Variants in DNASE1 observed in about 807,000 individuals in gnomAD.
DNASE1 encodes the protein deoxyribonuclease-1.
A neutral mutation model predicts 33.9 loss-of-function variants in DNASE1; 40 were observed. The observed-to-expected ratio is 1.18, with a 90% CI of 0.92 to 1.54. The LOEUF (loss-of-function observed/expected upper bound fraction) is 1.54, where lower values mean the gene tolerates loss of function less well. Ranked by LOEUF, DNASE1 falls within the 40% of genes most tolerant of loss-of-function variation. The pLI is 0.00. For missense variants in DNASE1, 518 were observed against 372.6 expected (o/e 1.39, Z -3.21); for synonymous variants, 216 against 160.0 (o/e 1.35, Z -2.64).
At chr16:3,614,020 C>T (rs556471720) in intron 1 of DNASE1, among the ~76,000 whole-genome samples, 4 of 149,050 alleles carry the variant, frequency 2.7e-5, no homozygotes, top group African/African-American at 1.0e-4. Context: ...TCACGCCATT[C>T]TCCTGCCGCA....
intron 1 of DNASE1, among the ~76,000 whole-genome samples, chr16:3,616,043 C>T (rs1488318709): frequency 6.6e-6 from 1 of 152,204 alleles, no homozygotes; most frequent in Non-Finnish European, 1.5e-5. Flanking sequence ...TGTATAGTCA[C>T]ATTTTCTAGA....
chr16:3,617,305 A>G (rs967169902), intron 1 of DNASE1, among the ~76,000 whole-genome samples: 24 of 144,852 alleles, frequency 1.7e-4, no homozygotes, highest in African/African-American at 6.2e-4. Flanking sequence ...CAGCCTAGTC[A>G]ACAAGAGCGA....
At chr16:3,634,378 G>A (rs1284457780) in intron 1 of DNASE1, among the ~76,000 whole-genome samples, 3 of 151,458 alleles carry the variant, frequency 2.0e-5, no homozygotes, top group South Asian at 2.1e-4. Context: ...ACAGGTGCCC[G>A]CCACCATGCC....
intron 1 of DNASE1, among the ~76,000 whole-genome samples, chr16:3,628,158 C>T (rs1276929937): frequency 6.6e-6 from 1 of 152,024 alleles, no homozygotes; most frequent in Non-Finnish European, 1.5e-5. Flanking sequence ...TCTTTTACCT[C>T]CTTGGTTAAA....
rs756148843 is a variant in DNASE1, at chr16:3,656,130, G to A, written c.265G>A (p.Val89Ile). ...TGCACCAGACACCTATCACTACGTG[G>A]TCAGTGAGCCACTGGGACGGAACAG... ...QDAPDTYHYVVSEPLGRNSYK... is the reference protein window; with the variant it reads ...QDAPDTYHYVISEPLGRNSYK... Residue 89 changes from valine to isoleucine, a missense_variant, in exon 4 of 9, where the codon GTC becomes ATC. Physicochemically the swap from Val to Ile is conservative, Grantham distance 29. Transcript: ENST00000246949. 2.5e-6 allele frequency: 4 copies of A among 1,614,118 alleles called. No individual in the cohort carries two copies. In the South Asian group the frequency reaches 4.4e-5, roughly 18 times the overall value.
At chr16:3,623,730 TAGAG>T (rs551337218) in intron 1 of DNASE1, among the ~76,000 whole-genome samples, 95 of 150,848 alleles carry the variant, frequency 6.3e-4, no homozygotes, top group African/African-American at 1.0e-3. Context: ...GGCCAGGAAT[TAGAG>T]AGAAAGTAGG....
rs751780862 is a variant in DNASE1 at position 3,657,988 on chromosome 16, G to A, written c.*35G>A. 17 of 1,612,840 alleles carry A rather than the reference G, an allele frequency of 1.1e-5. No individual in the cohort carries two copies. In the East Asian group the frequency reaches 2.0e-4, roughly 19 times the overall value. The stretch of plus-strand genomic sequence containing the variant: ...CCCCACACCAGTTGAACTGCAGGAA[G>A]AGAGGACCCATCCTGCCACAGGACC... On this transcript the variant is annotated 3_prime_UTR_variant, in exon 9 of 9. Transcript: ENST00000246949.
chr16:3,623,462 A>G (rs1362371018), intron 1 of DNASE1, among the ~76,000 whole-genome samples: 1 of 152,276 alleles, frequency 6.6e-6, no homozygotes. Flanking sequence ...AAATGCAACA[A>G]GAAGAAAAAT....
At chr16:3,633,595 C>T (rs1000722973) in intron 1 of DNASE1, among the ~76,000 whole-genome samples, 1 of 147,286 alleles carries the variant, frequency 6.8e-6, no homozygotes, top group Non-Finnish European at 1.5e-5. Flanking sequence ...TTGACAAGAG[C>T]GAGACTCCAT....
intron 7 of DNASE1, 100 bp from the exon 8 acceptor site, chr16:3,657,620 G>A (rs1014548584): frequency 3.9e-6 from 6 of 1,521,094 alleles, no homozygotes; most frequent in Non-Finnish European, 5.4e-6. Flanking sequence ...CCACAGACCT[G>A]CACTGGCAGG....
chr16:3,643,566 T>C (rs1485513292), intron 1 of DNASE1, among the ~76,000 whole-genome samples: 1 of 152,188 alleles, frequency 6.6e-6, no homozygotes, highest in East Asian at 1.9e-4. Context: ...GAGCTGTCCC[T>C]GTCGGGGGAC....
chr16:3,642,733 A>C (rs2042059697), upstream of DNASE1: 2 of 152,378 alleles, frequency 1.3e-5, no homozygotes, highest in South Asian at 4.1e-4. Flanking sequence ...GGGCAGAGGG[A>C]AACGGCCTTG....
At chr16:3,658,165 C>A (rs749267971), downstream of DNASE1, 11 of 1,613,892 alleles carry the variant, frequency 6.8e-6, no homozygotes, top group Non-Finnish European at 8.5e-6. Context: ...GCAGCTCATT[C>A]AAGCGGCCCA....
At chr16:3,612,576 G>A (rs1431443937) in intron 1 of DNASE1, among the ~76,000 whole-genome samples, 1 of 100,594 alleles carries the variant, frequency 9.9e-6, no homozygotes. Flanking sequence ...TTTAAGTAGA[G>A]ACGGGCGGTG....
chr16:3,663,730 C>T lies in DNASE1; in HGVS notation c.*5777C>T, dbSNP rs1298863948. On this transcript the variant is annotated 3_prime_UTR_variant, in exon 10 of 10. Coordinates refer to the DNASE1 transcript ENST00000407479. ...ATGACAGTTACTACGACACCTGGGT[C>T]TAAGGAAGGCTCTGACTGCCTTCAA... The T allele has an allele frequency of 7.9e-6, 6 of 763,018 alleles. No homozygotes were observed. In the African/African-American group the frequency reaches 1.1e-4, roughly 13 times the overall value. 47.3% of individuals were successfully genotyped at this position (763,018 alleles called of 1,614,324 possible). A position where few individuals can be genotyped will look rare whatever the true frequency, so the allele number is the denominator to read the frequency against.
At chr16:3,615,023 G>T (rs1242825443) in intron 1 of DNASE1, among the ~76,000 whole-genome samples, 2 of 152,038 alleles carry the variant, frequency 1.3e-5, no homozygotes, top group Non-Finnish European at 2.9e-5. Context: ...TTAGAAAAGA[G>T]AGTTTTCTTA....
intron 1 of DNASE1, among the ~76,000 whole-genome samples, chr16:3,621,651 T>A (rs183389098): frequency 6.6e-6 from 1 of 152,372 alleles, no homozygotes; most frequent in African/African-American, 2.4e-5. Context: ...TGGAGATTTT[T>A]CCTTATTACA....
At chr16:3,637,617 G>A (rs997216000) in intron 1 of DNASE1, among the ~76,000 whole-genome samples, 5 of 152,114 alleles carry the variant, frequency 3.3e-5, no homozygotes, top group African/African-American at 1.2e-4. Context: ...ACCTAATTAA[G>A]TTAGGCTCTT....
downstream of DNASE1, chr16:3,661,883 G>C (rs2043096776): frequency 7.2e-7 from 1 of 1,393,900 alleles, no homozygotes; most frequent in Non-Finnish European, 9.5e-7. Context: ...ATGTCCACAG[G>C]CCTCACGCAC....
Sources: gnomAD v4.1 joint callset for allele counts (sites outside exome capture counted in the v4.1 genomes callset) on GRCh38, gnomAD v4.1.1 for gene constraint, MANE v1.5 for transcripts, NCBI Gene and HGNC (gene_info 2026-07-23, HGNC 2026-07-21) for gene names.